FAT3: variants seen among roughly 807,000 people sequenced by gnomAD.
FAT3 encodes the protein protocadherin Fat 3.
FAT3 carries 95 observed loss-of-function variants against 310.2 expected under a neutral mutation model. That is an observed-to-expected ratio of 0.31 (90% CI 0.26 to 0.36). FAT3 has a LOEUF of 0.36. Ranked by LOEUF, FAT3 falls within the 10% of genes least tolerant of loss-of-function variation. The pLI is 1.00. For synonymous variants in FAT3, 2,314 were observed against 2,192.9 expected, an observed-to-expected ratio of 1.06 and a Z score of -1.54; for missense variants, 5,408 against 5,715.6, an observed-to-expected ratio of 0.95 and a Z score of 1.74.
At chr11:92,726,670 T>A (rs138697223) in intron 4 of FAT3, among the ~76,000 whole-genome samples, 1 of 152,014 alleles carries the variant, frequency 6.6e-6, no homozygotes. Flanking sequence ...TGTTAAAGAA[T>A]GGTTAAACTA....
chr11:92,546,615 C>T (rs894409934), intron 3 of FAT3, among the ~76,000 whole-genome samples: 14 of 152,176 alleles, frequency 9.2e-5, no homozygotes, highest in Non-Finnish European at 1.8e-4. Context: ...AATGACCGTA[C>T]ATAGTGAAGC....
At chr11:92,419,611 C>T (rs1013174433) in intron 2 of FAT3, among the ~76,000 whole-genome samples, 2 of 152,052 alleles carry the variant, frequency 1.3e-5, no homozygotes, top group Non-Finnish European at 2.9e-5. Context: ...GTTGTAATAG[C>T]GCTTATCTTC....
At chr11:92,585,165 C>G (rs1939066869) in intron 3 of FAT3, among the ~76,000 whole-genome samples, 1 of 151,970 alleles carries the variant, frequency 6.6e-6, no homozygotes, top group Admixed American at 6.6e-5. Context: ...ATGATATGGA[C>G]GTTGTATAGA....
At position 92,892,014 on chromosome 11, in the gene FAT3, A is replaced by T. The variant is rs961003278; in HGVS notation, c.*901A>T. ...CAAAACTCACAAATTCAGGGGGGAA[A>T]AAAGAAAAAACGATACCTTCAAAGT... On this transcript the variant is annotated 3_prime_UTR_variant, in exon 28 of 28. Coordinates refer to ENST00000525166, the MANE Select transcript of FAT3 (RefSeq NM_001367949.2). The T allele has an allele frequency of 3.5e-5, 5 of 144,616 alleles. No individual in the cohort carries two copies. The highest frequency in any genetic ancestry group is 1.2e-4 in the African/African-American group (5 of 41,122). The allele number at this position is 144,616 out of a possible 1,614,324, so 9.0% of individuals were successfully genotyped here.
chr11:92,525,823 T>C (rs1953842499), intron 3 of FAT3, among the ~76,000 whole-genome samples: 1 of 152,212 alleles, frequency 6.6e-6, no homozygotes, highest in African/African-American at 2.4e-5. Context: ...AACTCAGCTC[T>C]CCTAATGAAC....
At position 92,806,623 on chromosome 11, in the gene FAT3, T is replaced by C. The variant is rs377646964; in HGVS notation, c.9247+108T>C. 9.9e-4 allele frequency: 930 copies of C among 940,568 alleles called. 8 individuals carry two copies. The African/African-American group carries it at 0.014, about 14-fold the overall frequency. 58.3% of individuals were successfully genotyped at this position (940,568 alleles called of 1,614,324 possible). A position where few individuals can be genotyped will look rare whatever the true frequency, so the allele number is the denominator to read the frequency against. On this transcript the variant is annotated intron_variant, in intron 12 of 27. Transcript: ENST00000525166. ...ATAGTTAGTAGTATACTTACTCTTA[T>C]AGGGATGGAGGGAAATTTTCCCTTC...
intron 2 of FAT3, among the ~76,000 whole-genome samples, chr11:92,411,589 C>T (rs939546012): frequency 3.3e-5 from 5 of 151,998 alleles, no homozygotes; most frequent in Admixed American, 6.6e-5. Context: ...GGCTGTGTTT[C>T]GCATGGAAGG....
chr11:92,709,630 G>T (rs1352019417), intron 4 of FAT3, among the ~76,000 whole-genome samples: 1 of 152,166 alleles, frequency 6.6e-6, no homozygotes. Flanking sequence ...GGAAGTTTAG[G>T]GCTCCAGGTA....
intron 3 of FAT3, among the ~76,000 whole-genome samples, chr11:92,557,211 G>A (rs538686): frequency 0.39 from 59,224 of 151,550 alleles, 12,278 homozygotes; most frequent in Middle Eastern, 0.53. Context: ...TCCATCTGAC[G>A]TAAGTTTCCT....
chr11:92,849,918 G>A (rs1354457777), intron 19 of FAT3, among the ~76,000 whole-genome samples: 1 of 152,176 alleles, frequency 6.6e-6, no homozygotes, highest in African/African-American at 2.4e-5. Flanking sequence ...AGTGGGGTGG[G>A]TGGTAAGAAG....
chr11:92,315,799 G>A (rs551170503), intron 1 of FAT3, among the ~76,000 whole-genome samples: 1 of 151,956 alleles, frequency 6.6e-6, no homozygotes, highest in East Asian at 1.9e-4. Flanking sequence ...CAGGATTATA[G>A]ACGTGAGCCA....
Position 92,777,627 on chromosome 11 carries a change from T to C in FAT3, c.4335+3447T>C, listed in dbSNP as rs1322118922. On this transcript the variant is annotated intron_variant, in intron 7 of 27. Coordinates refer to ENST00000525166, the MANE Select transcript of FAT3 (RefSeq NM_001367949.2). ...TTATTATACTTTTTATAATACAATG[T>C]TAGTATTTGGCAACATGGGCTTTGT... 5.9e-5 allele frequency among the ~76,000 whole-genome samples: 9 copies of C among 152,282 alleles called. No individual in the cohort carries two copies. In the East Asian group the frequency reaches 1.7e-3, roughly 29 times the overall value.
intron 3 of FAT3, among the ~76,000 whole-genome samples, chr11:92,643,261 C>T (rs1001370311): frequency 6.6e-6 from 1 of 152,138 alleles, no homozygotes; most frequent in Non-Finnish European, 1.5e-5. Context: ...GGACCTGCAC[C>T]GTCAGAAGCA....
chr11:92,334,057 A>C (rs1475866079), intron 1 of FAT3, among the ~76,000 whole-genome samples: 2 of 152,208 alleles, frequency 1.3e-5, no homozygotes, highest in East Asian at 1.9e-4. Context: ...ATTTAAAGTG[A>C]GATCATGAAG....
At chr11:92,393,518 G>T (rs1384648505) in intron 2 of FAT3, among the ~76,000 whole-genome samples, 1 of 152,080 alleles carries the variant, frequency 6.6e-6, no homozygotes, top group Non-Finnish European at 1.5e-5. Context: ...GTCTTTCAGG[G>T]GTGAGGCATC....
At chr11:92,228,169 ATCAG>A (rs1189876763) in intron 1 of FAT3, among the ~76,000 whole-genome samples, 2 of 152,192 alleles carry the variant, frequency 1.3e-5, no homozygotes, top group Non-Finnish European at 1.5e-5. Context: ...GAGATCAGAA[ATCAG>A]TCAGCTGCTG....
chr11:92,231,699 A>G (rs113655803), intron 1 of FAT3, among the ~76,000 whole-genome samples: 11 of 152,334 alleles, frequency 7.2e-5, no homozygotes, highest in African/African-American at 2.4e-4. Context: ...TAATGCTACT[A>G]AATATCATTG....
chr11:92,288,950 T>G (rs184867956), intron 1 of FAT3, among the ~76,000 whole-genome samples: 2 of 152,248 alleles, frequency 1.3e-5, no homozygotes, highest in Admixed American at 1.3e-4. Flanking sequence ...CTTCTATTCC[T>G]TGTGAATGTG....
chr11:92,292,427 G>A (rs1396980692), intron 1 of FAT3, among the ~76,000 whole-genome samples: 1 of 152,012 alleles, frequency 6.6e-6, no homozygotes, highest in African/African-American at 2.4e-5. Flanking sequence ...CATGGGGATG[G>A]GAAGTGAGGT....
Sources: gnomAD v4.1 joint callset for allele counts (sites outside exome capture counted in the v4.1 genomes callset) on GRCh38, gnomAD v4.1.1 for gene constraint, MANE v1.5 for transcripts, NCBI Gene and HGNC (gene_info 2026-07-23, HGNC 2026-07-21) for gene names.